The following ME1 variants were observed in gnomAD, a reference collection of about 807,000 sequenced individuals.
The protein encoded by ME1 is malic enzyme 1.
ME1 carries 74 observed loss-of-function variants against 66.4 expected under a neutral mutation model. The ratio of observed to expected loss-of-function variants is 1.11; its 90% CI spans 0.92 to 1.35. The LOEUF is 1.35. Ranked by LOEUF, ME1 falls within the 40% of genes most tolerant of loss-of-function variation. The pLI, the probability that ME1 is intolerant of heterozygous loss-of-function variation, is 0.00. For synonymous variants in ME1, 251 were observed against 235.6 expected, an observed-to-expected ratio of 1.07 and a Z score of -0.60; for missense variants, 750 against 694.1, an observed-to-expected ratio of 1.08 and a Z score of -0.90.
At chr6:83,417,777 A>G (rs942169852) in intron 1 of ME1, among the ~76,000 whole-genome samples, 1 of 152,226 alleles carries the variant, frequency 6.6e-6, no homozygotes, top group Non-Finnish European at 1.5e-5. Context: ...TAAATTGCCC[A>G]TATTTAAATA....
intron 5 of ME1, among the ~76,000 whole-genome samples, chr6:83,325,501 G>T (rs1413013485): frequency 6.6e-6 from 1 of 152,040 alleles, no homozygotes; most frequent in East Asian, 1.9e-4. Flanking sequence ...TAAGCTGATA[G>T]GCAACTTCAG....
At chr6:83,306,278 G>C (rs2023577) in intron 6 of ME1, among the ~76,000 whole-genome samples, 2 of 151,770 alleles carry the variant, frequency 1.3e-5, no homozygotes, top group Admixed American at 6.6e-5. Context: ...TTAAAGTTAA[G>C]AGAATAAAAA....
intron 3 of ME1, among the ~76,000 whole-genome samples, chr6:83,357,927 CTCTCTCTCTATATATATATATATATA>C (rs1330605674): frequency 1.7e-5 from 1 of 58,334 alleles, no homozygotes; most frequent in Non-Finnish European, 3.5e-5. Flanking sequence ...CTCTCTCTCT[CTCTCTCTCTATATATATATATATATA>C]TATATATATA....
chr6:83,256,569 AG>A (rs1157990895), intron 6 of ME1, among the ~76,000 whole-genome samples: 1 of 152,198 alleles, frequency 6.6e-6, no homozygotes, highest in Non-Finnish European at 1.5e-5. Context: ...GTGGAGAAAT[AG>A]GAACGCTTTT....
chr6:83,229,110 ATT>A, intron 9 of ME1, 179 bp from the exon 10 acceptor site: 1 of 616,836 alleles, frequency 1.6e-6, no homozygotes, highest in Admixed American at 3.0e-5. Context: ...TTTAACAAAT[ATT>A]TATATGTCAA....
chr6:83,331,997 G>C (rs1003555413), intron 5 of ME1, among the ~76,000 whole-genome samples: 7 of 151,818 alleles, frequency 4.6e-5, no homozygotes, highest in African/African-American at 1.7e-4. Flanking sequence ...GAAAAGATTT[G>C]GCAACAGCAA....
chr6:83,347,684 T>C (rs1301839014), intron 4 of ME1, among the ~76,000 whole-genome samples: 1 of 152,198 alleles, frequency 6.6e-6, no homozygotes, highest in East Asian at 1.9e-4. Context: ...AATGAAATCA[T>C]GATATATAAA....
intron 3 of ME1, chr6:83,393,305 C>T: frequency 1.6e-6 from 2 of 1,251,906 alleles, no homozygotes; most frequent in Non-Finnish European, 2.3e-6. Flanking sequence ...GCTGGCATTG[C>T]CCTCAACGAC....
intron 3 of ME1, among the ~76,000 whole-genome samples, chr6:83,389,472 C>A (rs997282962): frequency 6.6e-6 from 1 of 151,024 alleles, no homozygotes; most frequent in East Asian, 1.9e-4. Context: ...GGTAAAATAC[C>A]AAAAAAACAG....
intron 13 of ME1, among the ~76,000 whole-genome samples, chr6:83,213,642 C>T (rs1478894898): frequency 1.3e-5 from 2 of 152,048 alleles, no homozygotes; most frequent in Non-Finnish European, 2.9e-5. Flanking sequence ...GCTGGGATTA[C>T]AGGTGTGAGC....
At chr6:83,295,184 C>A (rs771008882) in intron 6 of ME1, among the ~76,000 whole-genome samples, 1 of 152,186 alleles carries the variant, frequency 6.6e-6, no homozygotes, top group African/African-American at 2.4e-5. Context: ...CATGTGAAAC[C>A]AAAGACAAGA....
intron 3 of ME1, among the ~76,000 whole-genome samples, chr6:83,354,958 C>T (rs1463758870): frequency 6.6e-6 from 1 of 152,108 alleles, no homozygotes; most frequent in South Asian, 2.1e-4. Context: ...TACGTCAGTG[C>T]TATAGGAAGA....
intron 3 of ME1, among the ~76,000 whole-genome samples, chr6:83,370,763 A>G (rs1285003021): frequency 6.6e-6 from 1 of 152,144 alleles, no homozygotes; most frequent in African/African-American, 2.4e-5. Flanking sequence ...GCAAAGAAAA[A>G]ATATTTCCAT....
intron 1 of ME1, among the ~76,000 whole-genome samples, chr6:83,428,140 T>A (rs1770407897): frequency 6.6e-6 from 1 of 152,070 alleles, no homozygotes; most frequent in African/African-American, 2.4e-5. Flanking sequence ...CCTAGAAAGA[T>A]CATTATTAAA....
chr6:83,290,718 G>C (rs1268094593), intron 6 of ME1, among the ~76,000 whole-genome samples: 1 of 152,110 alleles, frequency 6.6e-6, no homozygotes, highest in African/African-American at 2.4e-5. Flanking sequence ...ATTGACAGTA[G>C]GGTGTTAAAG....
At chr6:83,283,241 A>T (rs1767338052) in intron 6 of ME1, among the ~76,000 whole-genome samples, 1 of 143,304 alleles carries the variant, frequency 7.0e-6, no homozygotes, top group Non-Finnish European at 1.5e-5. Flanking sequence ...AAAAAAAAAA[A>T]AAAAAAATGA....
chr6:83,412,247 G>A (rs1048522852), intron 1 of ME1, among the ~76,000 whole-genome samples: 5 of 151,980 alleles, frequency 3.3e-5, no homozygotes, highest in African/African-American at 1.2e-4. Flanking sequence ...AAAAAAAAAG[G>A]AAACATTTAT....
At chr6:83,298,467 C>T (rs1170512) in intron 6 of ME1, among the ~76,000 whole-genome samples, 53,496 of 151,812 alleles carry the variant, frequency 0.35, 9,632 homozygotes, top group Middle Eastern at 0.49. Context: ...GGATATTAGA[C>T]CTTTCTCAGA....
intron 3 of ME1, among the ~76,000 whole-genome samples, chr6:83,376,824 A>C (rs534478417): frequency 2.0e-5 from 3 of 150,390 alleles, no homozygotes; most frequent in African/African-American, 7.4e-5. Flanking sequence ...AAAAAAATTC[A>C]AAAAAGAAAT....
Sources: gnomAD v4.1 joint callset for allele counts (sites outside exome capture counted in the v4.1 genomes callset) on GRCh38, gnomAD v4.1.1 for gene constraint, MANE v1.5 for transcripts, NCBI Gene and HGNC (gene_info 2026-07-23, HGNC 2026-07-21) for gene names.